The following NR5A2 variants were observed in gnomAD, a reference collection of about 807,000 sequenced individuals.
NR5A2 encodes the protein nuclear receptor subfamily 5 group A member 2.
Under a neutral mutation model 62.7 loss-of-function variants are expected in NR5A2, and 26 were observed. The observed-to-expected ratio is 0.41, with a 90% CI of 0.30 to 0.58. The LOEUF is 0.58. NR5A2 is among the 20% of genes least tolerant of loss of function. The pLI is 0.22. For missense variants in NR5A2, 541 were observed against 669.1 expected (o/e 0.81, Z 2.11); for synonymous variants, 246 against 241.7 (o/e 1.02, Z -0.16).
intron 5 of NR5A2, chr1:200,057,365 G>A (rs2102186506): frequency 5.7e-6 from 1 of 174,344 alleles, no homozygotes; most frequent in Middle Eastern, 2.6e-3. Flanking sequence ...GTCAGAGTGG[G>A]AGTAAAAGAC....
rs766959384 is a variant in NR5A2, at chr1:200,144,366, G to GTCAGCACACTGTTGC, written c.1378+23412_1378+23426dup. Among the ~76,000 whole-genome samples the GTCAGCACACTGTTGC allele has an allele frequency of 8.0e-4, 122 of 151,926 alleles. 1 individual carries two copies. The highest frequency in any genetic ancestry group is 1.5e-3 in the Non-Finnish European group (104 of 68,010). ...GTGTCTCACCATTCTCCTTGCCCAT[G>GTCAGCACACTGTTGC]TCAGCACACTGTTGCCCAACAAACT... is the stretch of plus-strand genomic sequence containing the variant. On this transcript the variant is annotated intron_variant, in intron 7 of 7. Transcript: ENST00000367362.
intron 5 of NR5A2, among the ~76,000 whole-genome samples, chr1:200,081,331 C>G (rs1664282786): frequency 6.6e-6 from 1 of 152,214 alleles, no homozygotes; most frequent in East Asian, 1.9e-4. Context: ...AAGTTACCAA[C>G]TTTATTTCAG....
In NR5A2 at chr1:200,034,783, C is replaced by CTTTT. The variant is rs767393832; in HGVS notation, c.65-4847_65-4844dup. Reference sequence around the variant, plus strand: ...GTTATTCACACGTGCAGCAGAAAGGCTTTTTTTTTTTTTTTTTTTTTTTTT... The same window carrying CTTTT: ...GTTATTCACACGTGCAGCAGAAAGGCTTTTTTTTTTTTTTTTTTTTTTTTTTTTT... On this transcript the variant is annotated intron_variant, in intron 1 of 7. Transcript: ENST00000367362. 6.1e-3 allele frequency among the ~76,000 whole-genome samples: 436 copies of CTTTT among 71,264 alleles called. 17 individuals are homozygous for CTTTT. The highest frequency in any genetic ancestry group is 0.012 in the African/African-American group (225 of 18,896). The allele number at this position is 71,264 out of a possible 152,430, so 46.8% of individuals were successfully genotyped here.
chr1:200,093,557 T>G (rs1474831681), intron 5 of NR5A2, among the ~76,000 whole-genome samples: 1 of 152,146 alleles, frequency 6.6e-6, no homozygotes, highest in African/African-American at 2.4e-5. Flanking sequence ...AGAGAAACTA[T>G]GAATATTGAG....
chr1:200,080,303 C>T (rs190056735), intron 5 of NR5A2, among the ~76,000 whole-genome samples: 1 of 152,252 alleles, frequency 6.6e-6, no homozygotes, highest in Admixed American at 6.5e-5. Context: ...ACTATAGAGT[C>T]TAAGACTGCA....
intron 5 of NR5A2, among the ~76,000 whole-genome samples, chr1:200,081,863 A>G (rs1376121799): frequency 6.6e-6 from 1 of 151,216 alleles, no homozygotes; most frequent in East Asian, 1.9e-4. Flanking sequence ...GGTCTCCCTG[A>G]CACTTTGTAT....
intron 7 of NR5A2, among the ~76,000 whole-genome samples, chr1:200,161,544 A>C (rs1432464600): frequency 6.6e-6 from 1 of 152,176 alleles, no homozygotes; most frequent in Admixed American, 6.5e-5. Flanking sequence ...ACAGCCCCAA[A>C]ATACAGGCTT....
At position 200,111,288 on chromosome 1, in the gene NR5A2, G is replaced by A; in HGVS notation, c.1197G>A (p.Lys399=). 6.2e-7 allele frequency: 1 copy of A among 1,611,912 alleles called. No homozygotes were observed. The highest frequency in any genetic ancestry group is 8.5e-7 in the Non-Finnish European group (1 of 1,179,458). The change falls in exon 6 of 8, where the codon AAG becomes AAA. Residue 399 remains lysine (K), a synonymous_variant. Transcript: ENST00000367362. ...TTTACCGACAAGTGGTACATGGAAA[G>A]GAAGGATCCATCTTCCTGGTTACTG... The part of the protein sequence containing the change: ...DHIYRQVVHG[K]EGSIFLVTGQ...
At chr1:200,064,894 G>A (rs1201975284) in intron 5 of NR5A2, among the ~76,000 whole-genome samples, 1 of 151,924 alleles carries the variant, frequency 6.6e-6, no homozygotes, top group East Asian at 1.9e-4. Context: ...TGTATTTGAG[G>A]TCCTGGTCCT....
rs1654403657 is a variant in NR5A2 at position 200,176,024 on chromosome 1, T to C, written c.*1814T>C. On this transcript the variant is annotated 3_prime_UTR_variant, in exon 8 of 8. Transcript: ENST00000367362. Reference sequence around the variant, plus strand: ...GACTGAAGAAACCAAATATATGTGTTTACTGTAGCATGTCTTCAAATTAGT... The same window carrying C: ...GACTGAAGAAACCAAATATATGTGTCTACTGTAGCATGTCTTCAAATTAGT... 6.6e-6 allele frequency: 1 copy of C among 152,668 alleles called. No homozygotes were observed. The highest frequency in any genetic ancestry group is 1.5e-5 in the Non-Finnish European group (1 of 68,038). 9.5% of individuals were successfully genotyped at this position (152,668 alleles called of 1,614,324 possible).
At chr1:200,113,558 G>T (rs2816974) in intron 6 of NR5A2, among the ~76,000 whole-genome samples, 6 of 152,002 alleles carry the variant, frequency 3.9e-5, no homozygotes, top group East Asian at 1.9e-4. Context: ...TCTTAAAGCA[G>T]GGTCATATAC....
At chr1:200,047,743 A>T (rs1662436523) in intron 4 of NR5A2, among the ~76,000 whole-genome samples, 1 of 151,866 alleles carries the variant, frequency 6.6e-6, no homozygotes, top group South Asian at 2.1e-4. Flanking sequence ...CGCCTGGCTA[A>T]TTTTTTGTAT....
intron 7 of NR5A2, among the ~76,000 whole-genome samples, chr1:200,171,551 C>A (rs1654181236): frequency 6.6e-6 from 1 of 152,096 alleles, no homozygotes; most frequent in Non-Finnish European, 1.5e-5. Flanking sequence ...GAATTTGAGA[C>A]CACCCTAGTC....
Position 200,111,336 on chromosome 1 carries a change from C to T in NR5A2, c.1230+15C>T, listed in dbSNP as rs202167972. The T allele has an allele frequency of 5.0e-6, 7 of 1,406,406 alleles. No homozygotes were observed. The highest frequency in any genetic ancestry group is 2.6e-5 in the Admixed American group (1 of 38,546). The allele number at this position is 1,406,406 out of a possible 1,614,324, so 87.1% of individuals were successfully genotyped here. A position where few individuals can be genotyped will look rare whatever the true frequency, so the allele number is the denominator to read the frequency against. On this transcript the variant is annotated intron_variant, in intron 6 of 7. Coordinates refer to ENST00000367362, the MANE Select transcript of NR5A2 (RefSeq NM_205860.3). ...CTGGGCAACAAGTGAGTGTAGAGACCAAAAAAAAAAAAAAAGCATCTTTTT... is the reference window on the plus strand; with the variant it reads ...CTGGGCAACAAGTGAGTGTAGAGACTAAAAAAAAAAAAAAAGCATCTTTTT...
At chr1:200,089,859 T>C (rs1257410364) in intron 5 of NR5A2, among the ~76,000 whole-genome samples, 1 of 152,208 alleles carries the variant, frequency 6.6e-6, no homozygotes, top group Non-Finnish European at 1.5e-5. Context: ...CAACTTTCTA[T>C]TGCATATGCA....
chr1:200,168,360 C>A (rs1194811054), intron 7 of NR5A2, among the ~76,000 whole-genome samples: 2 of 152,028 alleles, frequency 1.3e-5, no homozygotes, highest in African/African-American at 4.8e-5. Flanking sequence ...CAGGCACACA[C>A]CACCACATCC....
intron 7 of NR5A2, among the ~76,000 whole-genome samples, chr1:200,151,488 C>A (rs568748504): frequency 1.3e-5 from 2 of 152,176 alleles, no homozygotes; most frequent in Non-Finnish European, 2.9e-5. Flanking sequence ...AAGAGCCCCC[C>A]GCTGCAAGAG....
At chr1:200,034,262 T>G (rs61819897) in intron 1 of NR5A2, among the ~76,000 whole-genome samples, 13,057 of 152,222 alleles carry the variant, frequency 0.086, 599 homozygotes, top group African/African-American at 0.12. Context: ...TTGATTCCAA[T>G]GGATGGAGTC....
intron 5 of NR5A2, among the ~76,000 whole-genome samples, chr1:200,089,422 G>A (rs1455028117): frequency 1.3e-5 from 2 of 152,042 alleles, no homozygotes; most frequent in Non-Finnish European, 2.9e-5. Context: ...CTCCCAAAAT[G>A]CTGGGATTAC....
Sources: gnomAD v4.1 joint callset for allele counts (sites outside exome capture counted in the v4.1 genomes callset) on GRCh38, gnomAD v4.1.1 for gene constraint, MANE v1.5 for transcripts, NCBI Gene and HGNC (gene_info 2026-07-23, HGNC 2026-07-21) for gene names.